STK3: variants seen among roughly 807,000 people sequenced by gnomAD.
STK3 encodes the protein serine/threonine kinase 3.
Under a neutral mutation model 58.0 loss-of-function variants are expected in STK3, and 41 were observed. The ratio of observed to expected loss-of-function variants is 0.71; its 90% CI spans 0.55 to 0.92. The LOEUF (loss-of-function observed/expected upper bound fraction) is 0.92, where lower values mean the gene tolerates loss of function less well. STK3 is among the 40% of genes least tolerant of loss of function. The pLI is 0.00. For synonymous variants in STK3, 170 were observed against 191.0 expected, an observed-to-expected ratio of 0.89 and a Z score of 0.91; for missense variants, 479 against 602.7, an observed-to-expected ratio of 0.79 and a Z score of 2.15.
intron 6 of STK3, among the ~76,000 whole-genome samples, chr8:98,620,832 T>C (rs988596049): frequency 6.6e-6 from 1 of 151,584 alleles, no homozygotes; most frequent in Non-Finnish European, 1.5e-5. Flanking sequence ...AGTTTCTAAA[T>C]ATATTTTTGT....
At chr8:98,791,100 C>T (rs961679175) in intron 1 of STK3, among the ~76,000 whole-genome samples, 3 of 152,074 alleles carry the variant, frequency 2.0e-5, no homozygotes, top group African/African-American at 7.2e-5. Flanking sequence ...GCTCCTAGAA[C>T]TGATAAAAGA....
At chr8:98,489,142 CT>C (rs1822504001) in intron 10 of STK3, among the ~76,000 whole-genome samples, 1 of 152,022 alleles carries the variant, frequency 6.6e-6, no homozygotes, top group African/African-American at 2.4e-5. Flanking sequence ...TAAAAACTAT[CT>C]TTTGCACATA....
intron 3 of STK3, among the ~76,000 whole-genome samples, chr8:98,861,433 C>T (rs1228967441): frequency 4.7e-5 from 7 of 149,606 alleles, no homozygotes; most frequent in East Asian, 2.0e-4. Flanking sequence ...CTGCAATCTC[C>T]GCCTCCCAGG....
chr8:98,383,142 A>G (rs2131003585), intron 1 of STK3, among the ~76,000 whole-genome samples: 1 of 152,202 alleles, frequency 6.6e-6, no homozygotes, highest in Non-Finnish European at 1.5e-5. Flanking sequence ...TTCATCCTTA[A>G]CAGCAATAAC....
chr8:98,664,660 A>C (rs1822206126), intron 6 of STK3, among the ~76,000 whole-genome samples: 1 of 152,218 alleles, frequency 6.6e-6, no homozygotes, highest in African/African-American at 2.4e-5. Flanking sequence ...TATGCATAAG[A>C]AATGCTTTCC....
chr8:98,465,214 A>G (rs1391793583), intron 10 of STK3, among the ~76,000 whole-genome samples: 2 of 152,194 alleles, frequency 1.3e-5, no homozygotes, highest in Non-Finnish European at 2.9e-5. Context: ...GAGGATGCTT[A>G]GAGAGATCAA....
At chr8:98,893,474 GA>G (rs1491144801) in intron 1 of STK3, among the ~76,000 whole-genome samples, 25 of 65,240 alleles carry the variant, frequency 3.8e-4, no homozygotes, top group South Asian at 5.3e-4. Context: ...AAGAAAGAAA[GA>G]AAGAAAGAAA....
intron 7 of STK3, among the ~76,000 whole-genome samples, chr8:98,587,154 T>C (rs1404706541): frequency 1.3e-5 from 2 of 152,168 alleles, no homozygotes; most frequent in Non-Finnish European, 2.9e-5. Flanking sequence ...TGAATGTGTT[T>C]GCTCTGGCTT....
intron 3 of STK3, among the ~76,000 whole-genome samples, chr8:98,856,289 C>A (rs1385333842): frequency 6.7e-6 from 1 of 149,944 alleles, no homozygotes; most frequent in Non-Finnish European, 1.5e-5. Flanking sequence ...TGCACTCCAG[C>A]CTGGGTGACA....
At chr8:98,457,815 C>T (rs1272108136) in intron 10 of STK3, among the ~76,000 whole-genome samples, 1 of 152,038 alleles carries the variant, frequency 6.6e-6, no homozygotes, top group East Asian at 1.9e-4. Context: ...TTAAGATATT[C>T]CTGTAAATAT....
intron 1 of STK3, among the ~76,000 whole-genome samples, chr8:98,796,445 A>G (rs1833169748): frequency 6.6e-6 from 1 of 152,236 alleles, no homozygotes; most frequent in Admixed American, 6.5e-5. Context: ...CATACGCAAA[A>G]GAATGAAACT....
intron 6 of STK3, among the ~76,000 whole-genome samples, chr8:98,618,551 T>A (rs1389149197): frequency 2.1e-4 from 31 of 148,846 alleles, no homozygotes; most frequent in African/African-American, 7.5e-4. Context: ...ACATGATTGT[T>A]TATCTAGAAA....
At chr8:98,502,408 G>C (rs537281901) in intron 10 of STK3, among the ~76,000 whole-genome samples, 68 of 152,120 alleles carry the variant, frequency 4.5e-4, no homozygotes, top group African/African-American at 1.6e-3. Context: ...TCTTTCTCTT[G>C]CCTGATTGCC....
chr8:98,584,203 T>G (rs908714482), intron 7 of STK3, among the ~76,000 whole-genome samples: 1 of 152,116 alleles, frequency 6.6e-6, no homozygotes, highest in Non-Finnish European at 1.5e-5. Context: ...ACCCACTAAC[T>G]TGTCATCTAG....
At chr8:98,542,651 C>T (rs1810389298) in intron 9 of STK3, among the ~76,000 whole-genome samples, 1 of 152,184 alleles carries the variant, frequency 6.6e-6, no homozygotes. Context: ...GCAGGGCTGA[C>T]AATGCCCAGG....
intron 6 of STK3, among the ~76,000 whole-genome samples, chr8:98,613,210 C>G (rs1193482812): frequency 6.6e-6 from 1 of 152,262 alleles, no homozygotes; most frequent in East Asian, 1.9e-4. Context: ...GATGAGCTCC[C>G]TTCCCCTCTT....
chr8:98,519,170 G>A (rs1825166648), intron 10 of STK3, among the ~76,000 whole-genome samples: 1 of 152,100 alleles, frequency 6.6e-6, no homozygotes, highest in South Asian at 2.1e-4. Flanking sequence ...AGAACAAGCA[G>A]TTCTTTGACT....
chr8:98,826,709 A>C (rs2131769374), upstream of STK3, among the ~76,000 whole-genome samples: 1 of 151,716 alleles, frequency 6.6e-6, no homozygotes, highest in South Asian at 2.1e-4. Flanking sequence ...CTGCTACATG[A>C]GTTTACTTGT....
At chr8:98,549,088 T>C (rs754163758) in intron 8 of STK3, among the ~76,000 whole-genome samples, 2 of 152,196 alleles carry the variant, frequency 1.3e-5, no homozygotes, top group Non-Finnish European at 2.9e-5. Context: ...AAGTATCTGT[T>C]TGAATCCCTA....
Sources: allele counts gnomAD v4.1 joint callset (sites outside exome capture counted in the v4.1 genomes callset), GRCh38; gene constraint gnomAD v4.1.1; transcripts MANE v1.5; gene names NCBI Gene and HGNC (gene_info 2026-07-23, HGNC 2026-07-21).